INIP: variants seen among roughly 807,000 people sequenced by gnomAD.
The protein encoded by INIP is INTS3 and NABP interacting protein.
In INIP, 9 loss-of-function variants were observed where a neutral mutation model predicts 14.0. The observed-to-expected ratio is 0.64, with a 90% CI of 0.39 to 1.12. INIP has a LOEUF of 1.12. INIP is among the 50% of genes most tolerant of loss of function. The pLI, the probability that INIP is intolerant of heterozygous loss-of-function variation, is 0.01. For synonymous variants in INIP, 37 were observed against 41.5 expected, an observed-to-expected ratio of 0.89 and a Z score of 0.41; for missense variants, 78 against 122.7, an observed-to-expected ratio of 0.64 and a Z score of 1.72.
At chr9:112,711,699 A>G (rs1040556166) in intron 2 of INIP, among the ~76,000 whole-genome samples, 63 of 152,232 alleles carry the variant, frequency 4.1e-4, no homozygotes, top group African/African-American at 1.4e-3. Context: ...TGATTAGTCC[A>G]CAGAGCACAC....
intron 3 of INIP, among the ~76,000 whole-genome samples, chr9:112,690,030 T>C (rs1837825978): frequency 6.6e-6 from 1 of 152,150 alleles, no homozygotes. Flanking sequence ...CAAGAATAAG[T>C]CTTTTTTCCT....
Position 112,687,639 on chromosome 9 carries a change from A to G in INIP, c.220-6T>C. Reference sequence around the variant, plus strand: ...GATGAATGTGCATGAGCATGCTGGGAAAGATTAAAAACAAAAAGGCAATTA... The same window carrying G: ...GATGAATGTGCATGAGCATGCTGGGGAAGATTAAAAACAAAAAGGCAATTA... On this transcript the variant is annotated splice_region_variant and splice_polypyrimidine_tract_variant and intron_variant, in intron 4 of 4. Transcript: ENST00000374242. 1 of 1,507,572 alleles carries G rather than the reference A, an allele frequency of 6.6e-7. No homozygotes were observed. Among genetic ancestry groups the G allele is most frequent in the Non-Finnish European group, 9.0e-7 (1 of 1,105,332 alleles). The allele number at this position is 1,507,572 out of a possible 1,614,324, so 93.4% of individuals were successfully genotyped here.
Position 112,714,713 on chromosome 9 carries a change from A to G in INIP, c.25+1748T>C, listed in dbSNP as rs148891691. Among the ~76,000 whole-genome samples, 394 of 152,378 alleles carry G rather than the reference A, an allele frequency of 2.6e-3. 2 individuals carry two copies. Among genetic ancestry groups the G allele is most frequent in the African/African-American group, 8.1e-3 (338 of 41,594 alleles). ...AATGTAAATAATCTTAAAATAGATTAAAATATAAGATTAATAATATAAAGG... is the reference window on the plus strand; with the variant it reads ...AATGTAAATAATCTTAAAATAGATTGAAATATAAGATTAATAATATAAAGG... On this transcript the variant is annotated intron_variant, in intron 2 of 4. Coordinates refer to ENST00000374242, the MANE Select transcript of INIP (RefSeq NM_021218.3).
intron 2 of INIP, among the ~76,000 whole-genome samples, chr9:112,703,379 A>G (rs1038735352): frequency 1.3e-5 from 2 of 152,004 alleles, no homozygotes; most frequent in African/African-American, 2.4e-5. Context: ...CTTATCCTCA[A>G]CTCCATGTTG....
At chr9:112,705,826 A>G (rs1178703393) in intron 2 of INIP, among the ~76,000 whole-genome samples, 1 of 152,216 alleles carries the variant, frequency 6.6e-6, no homozygotes, top group African/African-American at 2.4e-5. Flanking sequence ...CAGTGAAAGA[A>G]GCAGCTGGGA....
intron 4 of INIP, 96 bp downstream of exon 4, chr9:112,689,431 T>C: frequency 1.1e-6 from 1 of 950,306 alleles, no homozygotes; most frequent in South Asian, 1.4e-5. Flanking sequence ...AACATTTTTA[T>C]TGATATTGCT....
At chr9:112,702,462 A>G (rs1343082064) in intron 2 of INIP, among the ~76,000 whole-genome samples, 2 of 152,220 alleles carry the variant, frequency 1.3e-5, no homozygotes, top group Non-Finnish European at 2.9e-5. Context: ...TTACAATCGC[A>G]CAAGAATATT....
intron 2 of INIP, among the ~76,000 whole-genome samples, chr9:112,713,895 A>G (rs1250980491): frequency 1.3e-5 from 2 of 151,964 alleles, no homozygotes; most frequent in African/African-American, 2.4e-5. Context: ...GAGGCAGGAG[A>G]ATCGCTTGAA....
intron 3 of INIP, 32 bp downstream of exon 3, chr9:112,694,099 C>A: frequency 7.2e-7 from 1 of 1,388,568 alleles, no homozygotes; most frequent in Non-Finnish European, 1.0e-6. Context: ...CAAAACAAAA[C>A]AAACAAAAAA....
At position 112,686,681 on chromosome 9, in the gene INIP, A is replaced by T. The variant is rs1837680833; in HGVS notation, c.*857T>A. On this transcript the variant is annotated 3_prime_UTR_variant, in exon 5 of 5. Transcript: ENST00000374242. ...ATGGCTAATTTTTTATACTTTTAGT[A>T]GAGACAGGGTTTCACCATGTTGGCC... 6.6e-6 allele frequency: 1 copy of T among 152,200 alleles called. No homozygotes were observed. The highest frequency in any genetic ancestry group is 1.5e-5 in the Non-Finnish European group (1 of 68,064). 9.4% of individuals were successfully genotyped at this position (152,200 alleles called of 1,614,324 possible).
chr9:112,716,506 A>G lies in INIP; in HGVS notation c.-21T>C. On this transcript the variant is annotated 5_prime_UTR_variant, in exon 2 of 5. Coordinates refer to ENST00000374242, the MANE Select transcript of INIP (RefSeq NM_021218.3). ...GCCATTTTCCTATTTTGTTTCAAGT[A>G]TGTCCAGTGGCAATTGGTCAGCACT... 6.2e-7 allele frequency: 1 copy of G among 1,612,762 alleles called. No homozygotes were observed. Among genetic ancestry groups the G allele is most frequent in the East Asian group, 2.2e-5 (1 of 44,848 alleles).
intron 2 of INIP, among the ~76,000 whole-genome samples, chr9:112,706,366 A>C (rs1170607415): frequency 6.6e-6 from 1 of 152,190 alleles, no homozygotes; most frequent in Non-Finnish European, 1.5e-5. Context: ...CTCCTGCCTC[A>C]GCCTCCAAAG....
At chr9:112,694,837 C>A (rs115668519) in intron 2 of INIP, among the ~76,000 whole-genome samples, 1 of 152,180 alleles carries the variant, frequency 6.6e-6, no homozygotes, top group African/African-American at 2.4e-5. Context: ...GCGTAACTGA[C>A]AGGATACAAA....
intron 2 of INIP, among the ~76,000 whole-genome samples, chr9:112,696,300 TTCCGGTGGAAGAAGCTCTGTG>T (rs1838092902): frequency 6.6e-6 from 1 of 152,130 alleles, no homozygotes; most frequent in Non-Finnish European, 1.5e-5. Flanking sequence ...GAGCTTAATC[TTCCGGTGGAAGAAGCTCTGTG>T]GGGCCTTTCC....
chr9:112,697,333 A>T (rs1838130280), intron 2 of INIP, among the ~76,000 whole-genome samples: 1 of 152,222 alleles, frequency 6.6e-6, no homozygotes, highest in Non-Finnish European at 1.5e-5. Flanking sequence ...ACTTAAAACA[A>T]CTACAAGATG....
At position 112,686,112 on chromosome 9, in the gene INIP, C is replaced by T. The variant is rs1169409467; in HGVS notation, c.*1426G>A. 2.0e-5 allele frequency: 3 copies of T among 151,936 alleles called. No individual in the cohort carries two copies. The highest frequency in any genetic ancestry group is 7.3e-5 in the African/African-American group (3 of 41,340). 9.4% of individuals were successfully genotyped at this position (151,936 alleles called of 1,614,324 possible). ...TACGCTACCACCAGAGAGGATGGGACTCAAGGCCAAGATAAGGTCAGTTAC... is the reference window on the plus strand; with the variant it reads ...TACGCTACCACCAGAGAGGATGGGATTCAAGGCCAAGATAAGGTCAGTTAC... On this transcript the variant is annotated 3_prime_UTR_variant, in exon 5 of 5. Transcript: ENST00000374242.
intron 4 of INIP, among the ~76,000 whole-genome samples, chr9:112,688,656 A>G (rs1837770907): frequency 6.6e-6 from 1 of 152,142 alleles, no homozygotes; most frequent in African/African-American, 2.4e-5. Flanking sequence ...CCCCATCTCT[A>G]CAAAAAATTA....
At chr9:112,695,114 A>G (rs1838029871) in intron 2 of INIP, among the ~76,000 whole-genome samples, 1 of 152,214 alleles carries the variant, frequency 6.6e-6, no homozygotes, top group Admixed American at 6.5e-5. Flanking sequence ...ACTAAGAAAT[A>G]GTTGTCCCCT....
In INIP at chr9:112,699,757, C is replaced by T. The variant is rs531432047; in HGVS notation, c.26-5524G>A. Among the ~76,000 whole-genome samples the T allele has an allele frequency of 9.2e-5, 14 of 152,130 alleles. No homozygotes were observed. The South Asian group carries it at 2.1e-3, about 23-fold the overall frequency. On this transcript the variant is annotated intron_variant, in intron 2 of 4. Coordinates refer to ENST00000374242, the MANE Select transcript of INIP (RefSeq NM_021218.3). ...CAGAATGGGGTGGCAACTCTAAAAA[C>T]GCTATCCATGAGAAATTTCAGTTGA...
Sources: allele counts gnomAD v4.1 joint callset (sites outside exome capture counted in the v4.1 genomes callset), GRCh38; gene constraint gnomAD v4.1.1; transcripts MANE v1.5; gene names NCBI Gene and HGNC (gene_info 2026-07-23, HGNC 2026-07-21).